TARM1: variants seen among roughly 807,000 people sequenced by gnomAD.
TARM1 encodes the protein T-cell-interacting, activating receptor on myeloid cells protein 1.
Under a neutral mutation model 30.4 loss-of-function variants are expected in TARM1, and 24 were observed. That is an observed-to-expected ratio of 0.79 (90% CI 0.57 to 1.11). The LOEUF is 1.11. Ranked by LOEUF, TARM1 falls within the 50% of genes least tolerant of loss-of-function variation. The probability of loss-of-function intolerance (pLI) is 0.00; values close to 1 mark genes in which losing one functional copy is unlikely to be tolerated. For synonymous variants in TARM1, 129 were observed against 138.9 expected (o/e 0.93, Z 0.50); for missense variants, 323 against 332.8 (o/e 0.97, Z 0.23).
intron 4 of TARM1, among the ~76,000 whole-genome samples, chr19:54,071,677 G>A (rs587662969): frequency 6.6e-6 from 1 of 152,084 alleles, no homozygotes; most frequent in South Asian, 2.1e-4. Flanking sequence ...AAAATTAGCC[G>A]GGTGTGGTGG....
intron 1 of TARM1, among the ~76,000 whole-genome samples, chr19:54,077,910 G>A (rs1012226621): frequency 2.0e-5 from 3 of 151,578 alleles, no homozygotes; most frequent in Middle Eastern, 3.4e-3. Context: ...CGCCTTGCAG[G>A]TTCAAGTGAT....
intron 4 of TARM1, among the ~76,000 whole-genome samples, chr19:54,073,407 CAAAAAAAAAAA>C (rs745643672): frequency 7.6e-5 from 5 of 66,082 alleles, no homozygotes; most frequent in Non-Finnish European, 1.3e-4. Flanking sequence ...GACTCCATTT[CAAAAAAAAAAA>C]AAAAAAAAAA....
Position 54,069,951 on chromosome 19 carries a change from G to A in TARM1, c.*52C>T. ...TAGAAAGCCTCAACCCCCTGGGAAT[G>A]CAGTCCAGCAGGTTGCAGCCTCAGT... On this transcript the variant is annotated 3_prime_UTR_variant, in exon 5 of 5. Transcript: ENST00000432826. The A allele has an allele frequency of 7.2e-7, 1 of 1,392,350 alleles. No individual in the cohort carries two copies. 86.2% of individuals were successfully genotyped at this position (1,392,350 alleles called of 1,614,324 possible).
At chr19:54,073,355 G>A (rs1490513186) in intron 4 of TARM1, among the ~76,000 whole-genome samples, 1 of 125,668 alleles carries the variant, frequency 8.0e-6, no homozygotes, top group Non-Finnish European at 1.6e-5. Flanking sequence ...GTTGCAGTGA[G>A]CGAAGATCGC....
intron 3 of TARM1, 150 bp from the exon 4 acceptor site, chr19:54,074,366 G>A: frequency 3.9e-6 from 3 of 776,312 alleles, no homozygotes; most frequent in East Asian, 2.7e-5. Context: ...TCCGACCCCA[G>A]GACAGAGATT....
chr19:54,079,932 A>G (rs2072053609), intron 1 of TARM1, among the ~76,000 whole-genome samples: 1 of 150,146 alleles, frequency 6.7e-6, no homozygotes, highest in Admixed American at 6.7e-5. Flanking sequence ...TGAGCCCAGG[A>G]GGTGGAGGCT....
chr19:54,075,670 G>A (rs1019685334), intron 2 of TARM1, among the ~76,000 whole-genome samples: 5 of 151,872 alleles, frequency 3.3e-5, no homozygotes, highest in Admixed American at 1.3e-4. Flanking sequence ...GCAAGCACCC[G>A]TAGTCCCAGC....
rs971885670 is a variant in TARM1, at chr19:54,073,835, T to C, written c.658+85A>G. 4.9e-6 allele frequency: 7 copies of C among 1,435,410 alleles called. No homozygotes were observed. In the African/African-American group the frequency reaches 8.6e-5, roughly 18 times the overall value. The allele number at this position is 1,435,410 out of a possible 1,614,324, so 88.9% of individuals were successfully genotyped here. Reference sequence around the variant, plus strand: ...TTAAGAGCGATGATATTGTAAGTAATGAAGAAATGAGATTCACAGAAGAAC... The same window carrying C: ...TTAAGAGCGATGATATTGTAAGTAACGAAGAAATGAGATTCACAGAAGAAC... On this transcript the variant is annotated intron_variant, in intron 4 of 4. Coordinates refer to ENST00000432826, the MANE Select transcript of TARM1 (RefSeq NM_001135686.3).
Position 54,074,084 on chromosome 19 carries a change from G to A in TARM1, c.494C>T (p.Thr165Met), listed in dbSNP as rs370518285. ...ACTCTGCAGCTGGATGGGTGATGGC[G>A]TCCCTGCCTTCAGTAGAGCGAACAT... ...PIMFALLKAG[T>M]PSPIQLQSPA... Residue 165 changes from threonine (T) to methionine (M), a missense_variant, in exon 4 of 5, where the codon ACG becomes ATG. By Grantham distance (81) the Thr-to-Met change is moderately conservative. Coordinates refer to ENST00000432826, the MANE Select transcript of TARM1 (RefSeq NM_001135686.3). 15 of 1,551,528 alleles carry A rather than the reference G, an allele frequency of 9.7e-6. No homozygotes were observed. In the African/African-American group the frequency reaches 2.1e-4, roughly 21 times the overall value.
intron 1 of TARM1, among the ~76,000 whole-genome samples, chr19:54,080,624 C>T (rs587621792): frequency 6.6e-5 from 10 of 150,802 alleles, no homozygotes; most frequent in African/African-American, 1.5e-4. Flanking sequence ...GGTTACACAG[C>T]GGCCTCAATT....
chr19:54,078,447 C>T (rs1170619051), intron 1 of TARM1, among the ~76,000 whole-genome samples: 22 of 151,904 alleles, frequency 1.4e-4, no homozygotes, highest in African/African-American at 4.8e-4. Flanking sequence ...GGCATGATCT[C>T]GGCTCACTGC....
chr19:54,073,917 TACCTGTC>T lies in TARM1; in HGVS notation c.654_658+2del, dbSNP rs1382977358. 21 of 1,550,916 alleles carry T rather than the reference TACCTGTC, an allele frequency of 1.4e-5. No homozygotes were observed. The Admixed American group carries it at 4.1e-4, about 30-fold the overall frequency. On this transcript the variant is annotated splice_donor_variant and coding_sequence_variant, in exon 4 of 5. Coordinates refer to ENST00000432826, the MANE Select transcript of TARM1 (RefSeq NM_001135686.3). ...AGTTCCTCAAAACCATACACGCCCT[TACCTGTC>T]ACCAATATCTCAAGCTGATCACTGG...
At chr19:54,073,824 A>G in intron 4 of TARM1, 96 bp downstream of exon 4, 1 of 1,396,990 alleles carries the variant, frequency 7.2e-7, no homozygotes, top group Non-Finnish European at 9.7e-7. Context: ...GAGCGATGAT[A>G]TTGTAAGTAA....
At chr19:54,079,266 A>G (rs1320896744) in intron 1 of TARM1, among the ~76,000 whole-genome samples, 1 of 6,470 alleles carries the variant, frequency 1.5e-4, no homozygotes, top group Admixed American at 1.6e-3. Context: ...TCCATCTCCG[A>G]AAAAAAAAAA....
At chr19:54,075,139 T>G (rs1347874544) in intron 2 of TARM1, 25 bp from the exon 3 acceptor site, 2 of 1,543,452 alleles carry the variant, frequency 1.3e-6, no homozygotes, top group East Asian at 4.9e-5. Context: ...AGCCTGATGC[T>G]GGACCCGATG....
In TARM1 at chr19:54,081,218, G is replaced by A. The variant is rs1600217563; in HGVS notation, c.34+89C>T. Reference sequence around the variant, plus strand: ...CCTCCCGTGTGCTCAGTAAGCCAAAGTTGATGTTATTATTTCCATCCCCAG... The same window carrying A: ...CCTCCCGTGTGCTCAGTAAGCCAAAATTGATGTTATTATTTCCATCCCCAG... On this transcript the variant is annotated intron_variant, in intron 1 of 4. Coordinates refer to ENST00000432826, the MANE Select transcript of TARM1 (RefSeq NM_001135686.3). 3.0e-6 allele frequency: 4 copies of A among 1,334,588 alleles called. No individual in the cohort carries two copies. The East Asian group carries it at 1.0e-4, about 34-fold the overall frequency. 82.7% of individuals were successfully genotyped at this position (1,334,588 alleles called of 1,614,324 possible). A position where few individuals can be genotyped will look rare whatever the true frequency, so the allele number is the denominator to read the frequency against.
chr19:54,073,798 G>A lies in TARM1; in HGVS notation c.658+122C>T, dbSNP rs183724677. ...ATGAGCCACCACGCCAGGCCAGAAA[G>A]GGAAGATTTTGTTAAGAGCGATGAT... On this transcript the variant is annotated intron_variant, in intron 4 of 4. Coordinates refer to ENST00000432826, the MANE Select transcript of TARM1 (RefSeq NM_001135686.3). The A allele has an allele frequency of 9.5e-4, 1,225 of 1,287,832 alleles. 2 individuals are homozygous for A. The highest frequency in any genetic ancestry group is 5.2e-3 in the Middle Eastern group (19 of 3,654). The allele number at this position is 1,287,832 out of a possible 1,614,324, so 79.8% of individuals were successfully genotyped here.
chr19:54,078,106 T>C (rs1391350968), intron 1 of TARM1, among the ~76,000 whole-genome samples: 2 of 151,934 alleles, frequency 1.3e-5, no homozygotes, highest in Non-Finnish European at 2.9e-5. Context: ...AGGCTGGTCT[T>C]GAACTCCCCA....
chr19:54,076,096 T>A, intron 1 of TARM1, 178 bp from the exon 2 acceptor site: 1 of 1,462,072 alleles, frequency 6.8e-7, no homozygotes, highest in African/African-American at 1.4e-5. Flanking sequence ...TTCCAGCTCC[T>A]CCATCCTTTC....
Sources: gnomAD v4.1 joint callset for allele counts (sites outside exome capture counted in the v4.1 genomes callset) on GRCh38, gnomAD v4.1.1 for gene constraint, MANE v1.5 for transcripts, NCBI Gene and HGNC (gene_info 2026-07-23, HGNC 2026-07-21) for gene names.